SEZ6L: variants seen among roughly 807,000 people sequenced by gnomAD.
SEZ6L encodes the protein seizure 6-like protein.
In SEZ6L, 37 loss-of-function variants were observed where a neutral mutation model predicts 106.2. The ratio of observed to expected loss-of-function variants is 0.35; its 90% CI spans 0.27 to 0.46. SEZ6L has a LOEUF of 0.46. SEZ6L is among the 20% of genes least tolerant of loss of function. The pLI is 1.00. For synonymous variants in SEZ6L, 541 were observed against 570.4 expected (o/e 0.95, Z 0.73); for missense variants, 1,172 against 1,332.8 (o/e 0.88, Z 1.88).
intron 12 of SEZ6L, among the ~76,000 whole-genome samples, chr22:26,358,068 G>A (rs1216376367): frequency 2.0e-5 from 3 of 152,172 alleles, no homozygotes; most frequent in African/African-American, 7.2e-5. Context: ...CCAGACTGTG[G>A]CCACCGTAGG....
chr22:26,366,691 G>T (rs1192038908), intron 13 of SEZ6L, among the ~76,000 whole-genome samples: 1 of 143,222 alleles, frequency 7.0e-6, no homozygotes, highest in African/African-American at 2.7e-5. Flanking sequence ...CTGGGTGACA[G>T]AGTGAGACTC....
chr22:26,286,817 G>A (rs1392698377), intron 1 of SEZ6L, among the ~76,000 whole-genome samples: 7 of 147,076 alleles, frequency 4.8e-5, no homozygotes, highest in African/African-American at 1.8e-4. Context: ...GCACAATCTC[G>A]GCTCACTGCC....
At chr22:26,201,684 G>A (rs1336573377) in intron 1 of SEZ6L, among the ~76,000 whole-genome samples, 1 of 152,188 alleles carries the variant, frequency 6.6e-6, no homozygotes, top group Non-Finnish European at 1.5e-5. Context: ...ACCACTGCTT[G>A]TGACAACTGC....
intron 1 of SEZ6L, 188 bp from the exon 2 acceptor site, chr22:26,292,215 AGAG>A (rs1180240126): frequency 3.5e-5 from 18 of 520,308 alleles, no homozygotes. Flanking sequence ...AAGGAAGAAA[AGAG>A]AAAGAGGGAG....
rs2080633732 is a variant in SEZ6L at position 26,278,616 on chromosome 22, A to T, written c.95-13790A>T. 2.0e-5 allele frequency among the ~76,000 whole-genome samples: 3 copies of T among 152,172 alleles called. No homozygotes were observed. In the South Asian group the frequency reaches 6.2e-4, roughly 32 times the overall value. ...CATTCATGTTGCTGCAAAGGACATG[A>T]TTTCATTCCTAAAAATGTCTTTTTA... On this transcript the variant is annotated intron_variant, in intron 1 of 16. Coordinates refer to ENST00000248933, the MANE Select transcript of SEZ6L (RefSeq NM_021115.5).
rs150022206 is a variant in SEZ6L at position 26,310,804 on chromosome 22, G to A, written c.1649G>A (p.Arg550Gln). Residue 550 changes from arginine to glutamine, a missense_variant, in exon 7 of 17, where the codon CGG (arginine) becomes CAG (glutamine). Physicochemically the swap from Arg to Gln is conservative, Grantham distance 43. Around this residue, in one of 4 missense-constraint regions of SEZ6L, gnomAD observed 534 missense variants for 691.0 expected, o/e 0.77. Coordinates refer to ENST00000248933, the MANE Select transcript of SEZ6L (RefSeq NM_021115.5). The stretch of plus-strand genomic sequence containing the variant: ...ATCGAGTTCACGTCCGACCAGGCCC[G>A]GGCGGCCTCCACCTTCAACATCCGA... Reference protein sequence around the residue: ...IRIEFTSDQARAASTFNIRFE... With the variant: ...IRIEFTSDQAQAASTFNIRFE... 1.2e-4 allele frequency: 187 copies of A among 1,613,944 alleles called. No individual in the cohort carries two copies. Among genetic ancestry groups the A allele is most frequent in the South Asian group, 2.6e-4 (24 of 91,076 alleles).
intron 6 of SEZ6L, among the ~76,000 whole-genome samples, chr22:26,309,986 G>T (rs146345346): frequency 1.3e-4 from 20 of 152,300 alleles, no homozygotes; most frequent in African/African-American, 4.8e-4. Context: ...ACAGAGTCAG[G>T]ACTCACACCC....
chr22:26,199,804 T>C (rs1006321261), intron 1 of SEZ6L, among the ~76,000 whole-genome samples: 3 of 152,200 alleles, frequency 2.0e-5, no homozygotes, highest in Non-Finnish European at 4.4e-5. Context: ...TCTACAAGAC[T>C]TGAGGCCGAA....
chr22:26,313,832 G>A lies in SEZ6L; in HGVS notation c.1945G>A (p.Val649Met), dbSNP rs764070942. 11 of 1,613,254 alleles carry A rather than the reference G, an allele frequency of 6.8e-6. No individual in the cohort carries two copies. The highest frequency in any genetic ancestry group is 6.7e-5 in the East Asian group (3 of 44,892). Residue 649 changes from valine (V) to methionine (M), a missense_variant, in exon 9 of 17, where the codon GTG becomes ATG. Around this residue, in one of 4 missense-constraint regions of SEZ6L, gnomAD observed 534 missense variants for 691.0 expected, o/e 0.77. Coordinates refer to ENST00000248933, the MANE Select transcript of SEZ6L (RefSeq NM_021115.5). The part of the protein sequence containing the change: ...VLSPNWPEPY[V>M]EGEDCIWKIH... ...GTCCCCAAACTGGCCCGAGCCCTAC[G>A]TGGAAGGTGAAGATTGTATCTGGAA...
chr22:26,314,491 A>G lies in SEZ6L; in HGVS notation c.2015+589A>G, dbSNP rs559397599. ...ATTTTCCTGTTTGTCTCCCTCAACT[A>G]GACCAGAAGGTCCTCTCCTCTGGGG... On this transcript the variant is annotated intron_variant, in intron 9 of 16. Transcript: ENST00000248933. Among the ~76,000 whole-genome samples the G allele has an allele frequency of 6.6e-5, 10 of 152,348 alleles. No homozygotes were observed. The South Asian group carries it at 1.9e-3, about 28-fold the overall frequency.
At position 26,278,798 on chromosome 22, in the gene SEZ6L, G is replaced by GAGGA. The variant is rs534279243; in HGVS notation, c.95-13598_95-13595dup. 8.2e-3 allele frequency among the ~76,000 whole-genome samples: 1,219 copies of GAGGA among 148,438 alleles called. 15 individuals are homozygous for GAGGA. The highest frequency in any genetic ancestry group is 0.029 in the African/African-American group (1,156 of 40,016). On this transcript the variant is annotated intron_variant, in intron 1 of 16. Coordinates refer to ENST00000248933, the MANE Select transcript of SEZ6L (RefSeq NM_021115.5). Reference sequence around the variant, plus strand: ...GAAAGAAGGAAGGAAGGAAGGGAGGGAGGAAGGAAGGAATGAAGGAGAGAA... The same window carrying GAGGA: ...GAAAGAAGGAAGGAAGGAAGGGAGGGAGGAAGGAAGGAAGGAATGAAGGAGAGAA...
intron 1 of SEZ6L, among the ~76,000 whole-genome samples, chr22:26,279,108 G>A (rs912663520): frequency 2.6e-5 from 4 of 152,208 alleles, no homozygotes; most frequent in Non-Finnish European, 5.9e-5. Flanking sequence ...CCCATGGAAA[G>A]TTAGGCATTC....
intron 1 of SEZ6L, chr22:26,242,664 A>C (rs2079178355): frequency 6.6e-6 from 1 of 152,234 alleles, no homozygotes; most frequent in African/African-American, 2.4e-5. Flanking sequence ...GGGGCCTCGG[A>C]TTAACATGAA....
chr22:26,337,366 G>T (rs992757530), intron 9 of SEZ6L, among the ~76,000 whole-genome samples: 6 of 152,232 alleles, frequency 3.9e-5, no homozygotes, highest in Non-Finnish European at 8.8e-5. Context: ...ATAAAGCCAA[G>T]ATGTGCATTG....
intron 9 of SEZ6L, among the ~76,000 whole-genome samples, chr22:26,326,436 C>T (rs2082307730): frequency 1.3e-5 from 2 of 152,204 alleles, no homozygotes; most frequent in Non-Finnish European, 1.5e-5. Flanking sequence ...TCATCACTCA[C>T]ATGGATTACT....
intron 1 of SEZ6L, among the ~76,000 whole-genome samples, chr22:26,272,447 T>TGGA: frequency 6.6e-6 from 1 of 152,212 alleles, no homozygotes; most frequent in African/African-American, 2.4e-5. Context: ...AACCGAATTT[T>TGGA]TACCCACGGT....
intron 1 of SEZ6L, among the ~76,000 whole-genome samples, chr22:26,204,719 G>A (rs147169454): frequency 1.3e-5 from 2 of 152,176 alleles, no homozygotes; most frequent in African/African-American, 4.8e-5. Flanking sequence ...AGAGCAGGTC[G>A]AAGAGTGTTC....
intron 1 of SEZ6L, among the ~76,000 whole-genome samples, chr22:26,229,925 G>T (rs1009473842): frequency 1.3e-5 from 2 of 152,228 alleles, no homozygotes; most frequent in African/African-American, 4.8e-5. Flanking sequence ...GAAATGGAAG[G>T]CCCAAATTCT....
chr22:26,326,469 C>T (rs918481874), intron 9 of SEZ6L, among the ~76,000 whole-genome samples: 2 of 152,164 alleles, frequency 1.3e-5, no homozygotes, highest in African/African-American at 4.8e-5. Context: ...TACTCACGTG[C>T]CCTTACCTTT....
Sources: gnomAD v4.1 joint callset for allele counts (sites outside exome capture counted in the v4.1 genomes callset) on GRCh38, gnomAD v4.1.1 for gene constraint, gnomAD v4.1.1 regional missense constraint, MANE v1.5 for transcripts, NCBI Gene and HGNC (gene_info 2026-07-23, HGNC 2026-07-21) for gene names.